Variants in BAZ1A observed in about 807,000 individuals in gnomAD.
BAZ1A encodes the protein bromodomain adjacent to zinc finger domain protein 1A.
BAZ1A carries 50 observed loss-of-function variants against 185.2 expected under a neutral mutation model. The ratio of observed to expected loss-of-function variants is 0.27; its 90% confidence interval spans 0.22 to 0.34. The LOEUF (loss-of-function observed/expected upper bound fraction) is 0.34. Among genes scored for constraint, BAZ1A ranks in the 10% least tolerant of loss-of-function variants. The probability of loss-of-function intolerance (pLI) is 1.00; values close to 1 mark genes in which losing one functional copy is unlikely to be tolerated. For synonymous variants in BAZ1A, 571 were observed against 615.6 expected (o/e 0.93, Z 1.07); for missense variants, 1,356 against 1,839.9 (o/e 0.74, Z 4.81).
chr14:34,775,427 C>A (rs972141659), intron 18 of BAZ1A, among the ~76,000 whole-genome samples: 5 of 152,152 alleles, frequency 3.3e-5, no homozygotes, highest in African/African-American at 1.2e-4. Context: ...TCTAAAAATG[C>A]CTTACTGCTT....
intron 14 of BAZ1A, among the ~76,000 whole-genome samples, chr14:34,784,458 T>C (rs1334498526): frequency 6.6e-6 from 1 of 151,656 alleles, no homozygotes; most frequent in East Asian, 1.9e-4. Flanking sequence ...CTATCTTGTA[T>C]ACTAGTTAAG....
intron 9 of BAZ1A, among the ~76,000 whole-genome samples, chr14:34,797,854 G>A (rs1295290086): frequency 2.6e-5 from 4 of 152,178 alleles, no homozygotes; most frequent in African/African-American, 4.8e-5. Context: ...AGGGCGGGCC[G>A]AAGCAGGGCG....
chr14:34,864,793 A>G (rs1408099165), intron 2 of BAZ1A, among the ~76,000 whole-genome samples: 1 of 94,896 alleles, frequency 1.1e-5, no homozygotes, highest in Admixed American at 1.0e-4. Flanking sequence ...TTTTTTTTTT[A>G]AAGACAGAGT....
chr14:34,771,391 AT>A lies in BAZ1A; in HGVS notation c.3301+119del, dbSNP rs1490751970. ...AAAGAACTCATTTAAAAATGAAAACATCTCAAGTTTTTAAGATTATCAATTT... is the reference window on the plus strand; with the variant it reads ...AAAGAACTCATTTAAAAATGAAAACACTCAAGTTTTTAAGATTATCAATTT... On this transcript the variant is annotated intron_variant, in intron 21 of 26. Transcript: ENST00000360310. The A allele has an allele frequency of 4.3e-5, 42 of 974,258 alleles. No individual in the cohort carries two copies. In the East Asian group the frequency reaches 1.0e-3, roughly 24 times the overall value. 60.4% of individuals were successfully genotyped at this position (974,258 alleles called of 1,614,324 possible).
In BAZ1A at chr14:34,874,512, G is replaced by C. The variant is rs143651951; in HGVS notation, c.93C>G (p.Asn31Lys). Residue 31 changes from asparagine to lysine, a missense_variant, in exon 2 of 27, where the codon AAC becomes AAG. This residue lies in a region of BAZ1A where 332 missense variants were observed against 395.3 expected (regional missense o/e 0.84). Transcript: ENST00000360310. This position sits in a 1 kb window ranked among gnomAD's most constrained non-coding sequence, Gnocchi z 4.7. ...DEEVFYCKVT[N>K]EIFRHYDDFF... ...CTTACTCGTAGTGGCGGAAGATCTC[G>C]TTGGTGACTTTACAGTAGAAAACTT... The C allele has an allele frequency of 1.6e-5, 25 of 1,612,552 alleles. No homozygotes were observed. Among genetic ancestry groups the C allele is most frequent in the Non-Finnish European group, 2.0e-5 (24 of 1,179,394 alleles).
intron 4 of BAZ1A, among the ~76,000 whole-genome samples, chr14:34,816,064 A>C (rs1483902857): frequency 3.4e-5 from 5 of 147,712 alleles, no homozygotes; most frequent in African/African-American, 7.5e-5. Flanking sequence ...GAAGCTACAT[A>C]CATATTATTC....
chr14:34,753,552 C>T lies in BAZ1A; in HGVS notation c.4627G>A (p.Asp1543Asn). 3 of 1,613,994 alleles carry T rather than the reference C, an allele frequency of 1.9e-6. No homozygotes were observed. Among genetic ancestry groups the T allele is most frequent in the Non-Finnish European group, 2.5e-6 (3 of 1,179,982 alleles). ...LGLHVTPSNV[D>N]QVSTPPAAKK... ...GCAGCCGGTGGTGTGCTAACTTGGT[C>T]CACATTACTGGGTGTGACGTGGAGT... Residue 1543 changes from aspartate to asparagine, a missense_variant, in exon 27 of 27, where the codon GAC (aspartate) becomes AAC (asparagine). Physicochemically the swap from Asp to Asn is conservative, Grantham distance 23 (BLOSUM62 1). This residue lies in a region of BAZ1A where 25 missense variants were observed against 20.1 expected (regional missense o/e 1.24). Coordinates refer to ENST00000360310, the MANE Select transcript of BAZ1A (RefSeq NM_013448.3).
intron 4 of BAZ1A, among the ~76,000 whole-genome samples, chr14:34,816,080 CTTTT>C (rs35830800): frequency 1.6e-4 from 13 of 79,392 alleles, no homozygotes; most frequent in South Asian, 5.8e-4. Context: ...TATTCCAGAC[CTTTT>C]TTTTTTTTTT....
At chr14:34,862,923 T>C (rs2042792846) in intron 2 of BAZ1A, among the ~76,000 whole-genome samples, 1 of 151,838 alleles carries the variant, frequency 6.6e-6, no homozygotes, top group African/African-American at 2.4e-5. Flanking sequence ...TTCAGTGCTC[T>C]TCTATTCTGC....
At chr14:34,798,119 AGGGGGCGTCCGCCACTGCTGAG>A (rs770976805) in intron 9 of BAZ1A, among the ~76,000 whole-genome samples, 16 of 152,068 alleles carry the variant, frequency 1.1e-4, no homozygotes, top group Non-Finnish European at 1.9e-4. Flanking sequence ...TGGCAGGGGG[AGGGGGCGTCCGCCACTGCTGAG>A]GGGCGTGTCC....
At chr14:34,837,102 G>A (rs1360174148) in intron 3 of BAZ1A, among the ~76,000 whole-genome samples, 1 of 151,564 alleles carries the variant, frequency 6.6e-6, no homozygotes, top group Non-Finnish European at 1.5e-5. Context: ...TAACTGTTCT[G>A]AGACCCTTTA....
intron 4 of BAZ1A, among the ~76,000 whole-genome samples, chr14:34,815,347 T>TA (rs1413446139): frequency 6.6e-6 from 1 of 152,224 alleles, no homozygotes; most frequent in Non-Finnish European, 1.5e-5. Context: ...TGAATTCACC[T>TA]ACAAGATAGA....
intron 21 of BAZ1A, among the ~76,000 whole-genome samples, chr14:34,765,632 A>G (rs1235386198): frequency 2.0e-5 from 3 of 152,218 alleles, no homozygotes; most frequent in African/African-American, 7.2e-5. Flanking sequence ...TGCATGAAGT[A>G]TGTTACTTCC....
At chr14:34,772,831 C>A (rs978925155) in intron 20 of BAZ1A, among the ~76,000 whole-genome samples, 5 of 152,150 alleles carry the variant, frequency 3.3e-5, no homozygotes, top group Non-Finnish European at 5.9e-5. Context: ...AGATCAAGAT[C>A]GTCCTGGCCA....
In BAZ1A at chr14:34,759,184, T is replaced by TTTTTTTTTG. The variant is rs1886409806; in HGVS notation, c.4244-339_4244-338insCAAAAAAAA. On this transcript the variant is annotated intron_variant, in intron 24 of 26. Transcript: ENST00000360310. The stretch of plus-strand genomic sequence containing the variant: ...TTTACAGCTACAGTTTTTTTTTTTT[T>TTTTTTTTTG]TTTTTTTTTTTTTTGAGATGGAGTC... Among the ~76,000 whole-genome samples, 14 of 108,106 alleles carry TTTTTTTTTG rather than the reference T, an allele frequency of 1.3e-4. 2 individuals are homozygous for TTTTTTTTTG. The highest frequency in any genetic ancestry group is 4.3e-4 in the African/African-American group (11 of 25,850). The allele number at this position is 108,106 out of a possible 152,430, so 70.9% of individuals were successfully genotyped here. A position where few individuals can be genotyped will look rare whatever the true frequency, so the allele number is the denominator to read the frequency against.
chr14:34,861,243 TTTA>T lies in BAZ1A; in HGVS notation c.392+798_392+800del, dbSNP rs535915908. Among the ~76,000 whole-genome samples the T allele has an allele frequency of 2.2e-3, 330 of 152,248 alleles. 1 individual carries two copies. Among genetic ancestry groups the T allele is most frequent in the Non-Finnish European group, 3.4e-3 (234 of 68,016 alleles). On this transcript the variant is annotated intron_variant, in intron 3 of 26. Transcript: ENST00000360310. ...ACAAGAGGTTTTAATGCATATAAAG[TTTA>T]TTATTATAAATGTCAGTGACTAGCC...
intron 3 of BAZ1A, among the ~76,000 whole-genome samples, chr14:34,833,921 TGAG>T (rs2042290220): frequency 6.6e-6 from 1 of 152,146 alleles, no homozygotes; most frequent in African/African-American, 2.4e-5. Context: ...GAGAAAAGCT[TGAG>T]AAGAGGCTCA....
chr14:34,765,744 T>G (rs917401148), intron 21 of BAZ1A, among the ~76,000 whole-genome samples: 1 of 152,190 alleles, frequency 6.6e-6, no homozygotes, highest in Non-Finnish European at 1.5e-5. Context: ...ACTACCAAAA[T>G]GGATTTTTCA....
In BAZ1A at chr14:34,874,567, T is replaced by G. The variant is rs775641660; in HGVS notation, c.38A>C (p.Lys13Thr). 25 of 1,610,364 alleles carry G rather than the reference T, an allele frequency of 1.6e-5. No individual in the cohort carries two copies. The highest frequency in any genetic ancestry group is 2.1e-5 in the Non-Finnish European group (25 of 1,178,616). ...GTCGGGCCGCAGGTCCGCGGGCGGCTTCTGTCTCACAAACGGCTTTCGGTG... is the reference window on the plus strand; with the variant it reads ...GTCGGGCCGCAGGTCCGCGGGCGGCGTCTGTCTCACAAACGGCTTTCGGTG... ...LLHRKPFVRQ[K>T]PPADLRPDEE... is the part of the protein sequence containing the mutation. Residue 13 changes from lysine to threonine, a missense_variant, in exon 2 of 27, where the codon AAG becomes ACG. By Grantham distance (78) the Lys-to-Thr change is moderately conservative. Around this residue, in one of 7 missense-constraint regions of BAZ1A, gnomAD observed 332 missense variants for 395.3 expected, o/e 0.84. Coordinates refer to ENST00000360310, the MANE Select transcript of BAZ1A (RefSeq NM_013448.3). This position sits in a 1 kb window ranked among gnomAD's most constrained non-coding sequence, Gnocchi z 4.7.
Sources: allele counts gnomAD v4.1 joint callset (sites outside exome capture counted in the v4.1 genomes callset), GRCh38; gene constraint gnomAD v4.1.1; regional missense constraint gnomAD v4.1.1; non-coding constraint Gnocchi (gnomAD v3.1); transcripts MANE v1.5; gene names NCBI Gene and HGNC (gene_info 2026-07-23, HGNC 2026-07-21).